The following MCTP1 variants were observed in gnomAD, a reference collection of about 807,000 sequenced individuals.
MCTP1 encodes multiple C2 and transmembrane domain-containing protein 1.
In MCTP1, 69 loss-of-function variants were observed where a neutral mutation model predicts 120.6. The observed-to-expected ratio is 0.57, with a 90% CI of 0.47 to 0.70. The LOEUF (loss-of-function observed/expected upper bound fraction) is 0.70, where lower values mean the gene tolerates loss of function less well. Ranked by LOEUF, MCTP1 falls within the 30% of genes least tolerant of loss-of-function variation. The probability of loss-of-function intolerance (pLI) is 0.00; values close to 1 mark genes in which losing one functional copy is unlikely to be tolerated. For missense variants in MCTP1, 1,203 were observed against 1,248.8 expected (o/e 0.96, Z 0.55); for synonymous variants, 529 against 493.1 (o/e 1.07, Z -0.96).
intron 18 of MCTP1, among the ~76,000 whole-genome samples, chr5:94,798,548 G>A (rs905951449): frequency 3.9e-5 from 6 of 152,004 alleles, no homozygotes; most frequent in African/African-American, 1.4e-4. Context: ...ATTGAACTAA[G>A]GTACTTTATA....
intron 21 of MCTP1, 105 bp from the exon 22 acceptor site, chr5:94,708,714 T>G (rs570640217): frequency 3.0e-5 from 19 of 641,774 alleles, no homozygotes; most frequent in South Asian, 2.8e-4. Context: ...ATACACCCAG[T>G]TTTTTCCCCC....
intron 1 of MCTP1, among the ~76,000 whole-genome samples, chr5:95,237,993 T>A (rs887297257): frequency 6.6e-6 from 1 of 152,140 alleles, no homozygotes; most frequent in South Asian, 2.1e-4. Flanking sequence ...AATATTCACA[T>A]TGATATGACC....
chr5:94,758,339 G>A (rs898739413), intron 19 of MCTP1, among the ~76,000 whole-genome samples: 2 of 152,112 alleles, frequency 1.3e-5, no homozygotes, highest in African/African-American at 4.8e-5. Flanking sequence ...CATGCCTATA[G>A]TCCTAGCTAC....
intron 17 of MCTP1, among the ~76,000 whole-genome samples, chr5:94,851,112 A>G (rs1489065352): frequency 2.6e-5 from 4 of 152,158 alleles, no homozygotes; most frequent in Non-Finnish European, 4.4e-5. Context: ...ACATCGAATT[A>G]ACACTGAATT....
rs1238496169 is a variant in MCTP1, at chr5:95,095,068, G to GAGTCTCACT, written c.721-77585_721-77584insAGTGAGACT. ...AGACGGAGTCTCGCTCTGTCGCCCAGGCTGGAGTGCAGTGGCGCGATCTAG... is the reference window on the plus strand; with the variant it reads ...AGACGGAGTCTCGCTCTGTCGCCCAGAGTCTCACTGCTGGAGTGCAGTGGCGCGATCTAG... On this transcript the variant is annotated intron_variant, in intron 1 of 22. Transcript: ENST00000515393. 1.1e-3 allele frequency among the ~76,000 whole-genome samples: 123 copies of GAGTCTCACT among 117,014 alleles called. 1 individual carries two copies. Among genetic ancestry groups the GAGTCTCACT allele is most frequent in the African/African-American group, 4.0e-3 (118 of 29,138 alleles). 76.8% of individuals were successfully genotyped at this position (117,014 alleles called of 152,430 possible).
At chr5:95,108,875 A>G (rs1041676332) in intron 1 of MCTP1, among the ~76,000 whole-genome samples, 1 of 152,220 alleles carries the variant, frequency 6.6e-6, no homozygotes, top group African/African-American at 2.4e-5. Flanking sequence ...GGTAGTAACA[A>G]TAGGTAGCTA....
chr5:94,852,060 G>T (rs1793852662), intron 17 of MCTP1, among the ~76,000 whole-genome samples: 1 of 151,750 alleles, frequency 6.6e-6, no homozygotes, highest in African/African-American at 2.4e-5. Flanking sequence ...AAATTGTTCA[G>T]CCAAAATTTT....
rs539551271 is a variant in MCTP1 at position 95,016,803 on chromosome 5, A to G, written c.838+564T>C. On this transcript the variant is annotated intron_variant, in intron 2 of 22. Transcript: ENST00000515393. Reference sequence around the variant, plus strand: ...CTATCCTCGTTCATCAAGAGATTGCATTGGGATTTGGAATCCGGGAACTTA... The same window carrying G: ...CTATCCTCGTTCATCAAGAGATTGCGTTGGGATTTGGAATCCGGGAACTTA... Among the ~76,000 whole-genome samples, 23 of 152,206 alleles carry G rather than the reference A, an allele frequency of 1.5e-4. 1 individual carries two copies. In the South Asian group the frequency reaches 4.6e-3, roughly 30 times the overall value.
intron 12 of MCTP1, among the ~76,000 whole-genome samples, chr5:94,877,048 G>C (rs1799037861): frequency 1.3e-5 from 2 of 151,868 alleles, no homozygotes; most frequent in African/African-American, 4.8e-5. Flanking sequence ...GGTGCAACAG[G>C]AGCAAGGAGA....
At chr5:94,995,487 T>G (rs1581747597) in intron 2 of MCTP1, among the ~76,000 whole-genome samples, 1 of 152,214 alleles carries the variant, frequency 6.6e-6, no homozygotes, top group African/African-American at 2.4e-5. Context: ...AGAATCTGAT[T>G]GCTAATTTCA....
intron 1 of MCTP1, among the ~76,000 whole-genome samples, chr5:95,210,477 T>A (rs567763665): frequency 5.3e-5 from 8 of 150,614 alleles, no homozygotes; most frequent in Admixed American, 5.3e-4. Flanking sequence ...GTCTGTTTTA[T>A]CAGAGACTAG....
Position 94,714,818 on chromosome 5 carries a change from GT to G in MCTP1, c.2678del (p.Asn893ThrfsTer3). ...CAAAGGAAGCCACTTCATCTAGGAT[GT>G]TCTGGACACTGACACATACCTCCTG... The part of the protein sequence containing the change: ...AIQEVCVSVQ[N>X]ILDEVASFGE... On this transcript the variant is annotated frameshift_variant, in exon 20 of 23. Transcript: ENST00000515393. LOFTEE classifies it high-confidence loss of function. 6.2e-7 allele frequency: 1 copy of G among 1,612,432 alleles called. No individual in the cohort carries two copies. Among genetic ancestry groups the G allele is most frequent in the Non-Finnish European group, 8.5e-7 (1 of 1,178,640 alleles).
rs558263559 is a variant in MCTP1 at position 95,030,480 on chromosome 5, A to G, written c.721-12996T>C. Among the ~76,000 whole-genome samples, 82 of 152,312 alleles carry G rather than the reference A, an allele frequency of 5.4e-4. 1 individual carries two copies. Among genetic ancestry groups the G allele is most frequent in the Non-Finnish European group, 9.8e-4 (67 of 68,026 alleles). On this transcript the variant is annotated intron_variant, in intron 1 of 22. Coordinates refer to ENST00000515393, the MANE Select transcript of MCTP1 (RefSeq NM_024717.7). ...CACACTCTCAGCCCCACAGGAGGTC[A>G]TATGTTGGCTCATGCATCCAATACA...
At chr5:94,834,872 C>G (rs1789374988) in intron 17 of MCTP1, among the ~76,000 whole-genome samples, 1 of 132,192 alleles carries the variant, frequency 7.6e-6, no homozygotes, top group Non-Finnish European at 1.5e-5. Context: ...GGCTGGAGTG[C>G]AATGGTGCAA....
intron 1 of MCTP1, among the ~76,000 whole-genome samples, chr5:95,185,020 CG>C (rs1236061274): frequency 6.6e-6 from 1 of 152,162 alleles, no homozygotes; most frequent in Non-Finnish European, 1.5e-5. Flanking sequence ...GATAAAACTC[CG>C]GTCTCTTGCA....
At chr5:95,006,764 A>G (rs916433447) in intron 2 of MCTP1, among the ~76,000 whole-genome samples, 4 of 152,186 alleles carry the variant, frequency 2.6e-5, no homozygotes, top group Non-Finnish European at 5.9e-5. Flanking sequence ...TCCTGGGAAA[A>G]AAGGATCAAC....
At chr5:94,801,069 T>C (rs1402961613) in intron 17 of MCTP1, among the ~76,000 whole-genome samples, 1 of 152,144 alleles carries the variant, frequency 6.6e-6, no homozygotes, top group Non-Finnish European at 1.5e-5. Flanking sequence ...AAGGTAAATG[T>C]GACAGACATC....
chr5:94,894,640 C>T lies in MCTP1; in HGVS notation c.1839+9G>A. ...TGTGTCTCTGGAAGGAGGAGGGTTA[C>T]ATACGTACATATCTCTTTAATATCT... On this transcript the variant is annotated intron_variant, in intron 11 of 22. Coordinates refer to ENST00000515393, the MANE Select transcript of MCTP1 (RefSeq NM_024717.7). 1 of 1,573,166 alleles carries T rather than the reference C, an allele frequency of 6.4e-7. No homozygotes were observed.
chr5:94,960,737 C>T (rs1472928806), intron 2 of MCTP1, among the ~76,000 whole-genome samples: 4 of 152,022 alleles, frequency 2.6e-5, no homozygotes, highest in African/African-American at 4.8e-5. Context: ...ATGTCACGAC[C>T]GTTAGAATGG....
Sources: allele counts gnomAD v4.1 joint callset (sites outside exome capture counted in the v4.1 genomes callset), GRCh38; gene constraint gnomAD v4.1.1; transcripts MANE v1.5; gene names NCBI Gene and HGNC (gene_info 2026-07-23, HGNC 2026-07-21).